TMC2: variants seen among roughly 807,000 people sequenced by gnomAD.
TMC2 encodes transmembrane channel-like protein 2.
Under a neutral mutation model 105.9 loss-of-function variants are expected in TMC2, and 102 were observed. The observed-to-expected ratio is 0.96, with a 90% confidence interval of 0.82 to 1.14. The LOEUF (loss-of-function observed/expected upper bound fraction) is 1.14. TMC2 is among the 50% of genes most tolerant of loss of function. The pLI, the probability that TMC2 is intolerant of heterozygous loss-of-function variation, is 0.00. For missense variants in TMC2, 1,093 were observed against 1,134.3 expected, an observed-to-expected ratio of 0.96 and a Z score of 0.52; for synonymous variants, 402 against 422.8, an observed-to-expected ratio of 0.95 and a Z score of 0.60.
At chr20:2,612,102 G>A (rs925667494) in intron 12 of TMC2, 89 bp from the exon 13 acceptor site, 1 of 1,328,938 alleles carries the variant, frequency 7.5e-7, no homozygotes, top group Non-Finnish European at 1.0e-6. Flanking sequence ...TGGTAGGGTT[G>A]TGGCATTTGC....
intron 7 of TMC2, among the ~76,000 whole-genome samples, chr20:2,580,590 G>A (rs1403228386): frequency 6.6e-6 from 1 of 151,936 alleles, no homozygotes; most frequent in Non-Finnish European, 1.5e-5. Flanking sequence ...TTTTTAAGGA[G>A]GTTTTTTTTA....
intron 17 of TMC2, among the ~76,000 whole-genome samples, chr20:2,631,809 A>C (rs1221737557): frequency 6.6e-6 from 1 of 150,622 alleles, no homozygotes; most frequent in African/African-American, 2.4e-5. Context: ...TTTTTTCATC[A>C]TATTTGGGGA....
At chr20:2,601,405 C>T (rs2086350786) in intron 10 of TMC2, among the ~76,000 whole-genome samples, 1 of 152,200 alleles carries the variant, frequency 6.6e-6, no homozygotes, top group Non-Finnish European at 1.5e-5. Flanking sequence ...TTAGAAGACT[C>T]AATATTTTAA....
intron 2 of TMC2, among the ~76,000 whole-genome samples, chr20:2,551,331 C>T (rs2085955502): frequency 6.7e-6 from 1 of 149,144 alleles, no homozygotes; most frequent in South Asian, 2.1e-4. Context: ...CTTGAGTTTT[C>T]ATGTGTGTAT....
chr20:2,550,131 C>T (rs773397679), intron 2 of TMC2, among the ~76,000 whole-genome samples: 7 of 151,210 alleles, frequency 4.6e-5, no homozygotes, highest in Non-Finnish European at 1.0e-4. Flanking sequence ...TGCAGTGAGC[C>T]GAGATCACAC....
intron 17 of TMC2, among the ~76,000 whole-genome samples, chr20:2,633,927 T>G (rs1004644593): frequency 6.6e-6 from 1 of 152,262 alleles, no homozygotes; most frequent in Non-Finnish European, 1.5e-5. Context: ...GCATTCTCAC[T>G]GCTTTTAAGG....
intron 4 of TMC2, among the ~76,000 whole-genome samples, chr20:2,562,401 G>C (rs2086033613): frequency 1.3e-5 from 2 of 152,254 alleles, no homozygotes; most frequent in African/African-American, 2.4e-5. Flanking sequence ...GGAGCACCCA[G>C]TGTCTCTCCA....
At chr20:2,578,708 A>G (rs1310726333) in intron 5 of TMC2, among the ~76,000 whole-genome samples, 2 of 149,536 alleles carry the variant, frequency 1.3e-5, no homozygotes, top group Non-Finnish European at 3.0e-5. Flanking sequence ...GACAGTTCCT[A>G]TCAGAGAGAG....
intron 2 of TMC2, among the ~76,000 whole-genome samples, chr20:2,557,373 A>G (rs758483509): frequency 6.6e-6 from 1 of 152,090 alleles, no homozygotes; most frequent in Non-Finnish European, 1.5e-5. Context: ...GAGCCCATCA[A>G]AGGTGTTCTT....
chr20:2,578,856 G>A (rs1022458092), intron 5 of TMC2, among the ~76,000 whole-genome samples: 1 of 152,204 alleles, frequency 6.6e-6, no homozygotes. Context: ...ATCGTACAGA[G>A]AATTTCTCAC....
intron 11 of TMC2, among the ~76,000 whole-genome samples, chr20:2,605,928 T>TA (rs1203871196): frequency 6.6e-6 from 1 of 152,212 alleles, no homozygotes; most frequent in Admixed American, 6.5e-5. Context: ...AGCAGACTTG[T>TA]ACCTGGGGCT....
chr20:2,637,729 G>C, intron 19 of TMC2, 138 bp downstream of exon 19: 1 of 637,648 alleles, frequency 1.6e-6, no homozygotes, highest in South Asian at 2.0e-5. Context: ...AAGTTGGGCA[G>C]GTGAATATAG....
chr20:2,629,531 A>AAAAAAG (rs1487336014), intron 17 of TMC2, among the ~76,000 whole-genome samples: 1 of 147,794 alleles, frequency 6.8e-6, no homozygotes, highest in East Asian at 1.9e-4. Flanking sequence ...TACAGAAGTA[A>AAAAAAG]AAAAAAAAAA....
intron 4 of TMC2, among the ~76,000 whole-genome samples, chr20:2,569,849 T>G (rs1053686215): frequency 6.6e-6 from 1 of 152,210 alleles, no homozygotes; most frequent in Non-Finnish European, 1.5e-5. Flanking sequence ...TTCCTTCTTA[T>G]GCTTTTTGTG....
chr20:2,597,205 A>T lies in TMC2; in HGVS notation c.1131A>T (p.Thr377=). ...GCGAAGGGGAGAGTGACAACTTCAC[A>T]TTCAGCTTCAAGATGTTCACCAGCT... ...STGEGESDNF[T]FSFKMFTSWD... is the part of the protein sequence containing the mutation. The change falls in exon 10 of 20, where the codon ACA becomes ACT. Residue 377 remains threonine, a synonymous_variant. Coordinates refer to ENST00000358864, the MANE Select transcript of TMC2 (RefSeq NM_080751.3). 1 of 1,614,158 alleles carries T rather than the reference A, an allele frequency of 6.2e-7. No individual in the cohort carries two copies. Among genetic ancestry groups the T allele is most frequent in the Non-Finnish European group, 8.5e-7 (1 of 1,180,000 alleles).
chr20:2,588,724 T>TGTGTGTGTGTGTGTGTGTGTGTG (rs1555774332), intron 7 of TMC2, among the ~76,000 whole-genome samples: 1 of 151,744 alleles, frequency 6.6e-6, no homozygotes, highest in African/African-American at 2.4e-5. Flanking sequence ...TGTGTGTGTC[T>TGTGTGTGTGTGTGTGTGTGTGTG]TGTCTCAGTG....
Position 2,602,131 on chromosome 20 carries a change from C to G in TMC2, c.1243C>G (p.Gln415Glu). 1 of 1,610,616 alleles carries G rather than the reference C, an allele frequency of 6.2e-7. No homozygotes were observed. Among genetic ancestry groups the G allele is most frequent in the Non-Finnish European group, 8.5e-7 (1 of 1,178,556 alleles). The change falls in exon 11 of 20, where the codon CAA becomes GAA. Residue 415 changes from glutamine to glutamate, a missense_variant. By Grantham distance (29) the Gln-to-Glu change is conservative. Transcript: ENST00000358864. The stretch of plus-strand genomic sequence containing the variant: ...CATTAAGGAATCAATAGTGGATGAA[C>G]AAGAGAGTAACAAAGAAGAAAATAT... ...TSFKESIVDEQESNKEENIHL... is the reference protein window; with the variant it reads ...TSFKESIVDEEESNKEENIHL...
intron 2 of TMC2, among the ~76,000 whole-genome samples, chr20:2,544,605 A>G (rs1280548639): frequency 1.3e-5 from 2 of 152,174 alleles, no homozygotes; most frequent in East Asian, 3.9e-4. Flanking sequence ...TGGGAGATCA[A>G]TATCCTATCT....
chr20:2,638,633 G>A (rs1474407748), intron 19 of TMC2, among the ~76,000 whole-genome samples: 1 of 152,066 alleles, frequency 6.6e-6, no homozygotes, highest in Non-Finnish European at 1.5e-5. Context: ...AAGATGTGGA[G>A]GTGGAAGACA....
Sources: allele counts gnomAD v4.1 joint callset (sites outside exome capture counted in the v4.1 genomes callset), GRCh38; gene constraint gnomAD v4.1.1; transcripts MANE v1.5; gene names NCBI Gene and HGNC (gene_info 2026-07-23, HGNC 2026-07-21).